COL21A1: variants seen among roughly 807,000 people sequenced by gnomAD.
The protein encoded by COL21A1 is collagen type XXI alpha 1 chain, also known as collagen alpha-1(XXI) chain.
COL21A1 carries 149 observed loss-of-function variants against 137.9 expected under a neutral mutation model. The observed-to-expected ratio is 1.08, with a 90% confidence interval of 0.95 to 1.24. The LOEUF (loss-of-function observed/expected upper bound fraction) is 1.24, where lower values mean the gene tolerates loss of function less well. COL21A1 is among the 50% of genes most tolerant of loss of function. COL21A1 has a pLI of 0.00. For synonymous variants in COL21A1, 456 were observed against 391.5 expected, an observed-to-expected ratio of 1.16 and a Z score of -1.95; for missense variants, 1,167 against 1,158.4, an observed-to-expected ratio of 1.01 and a Z score of -0.11.
intron 1 of COL21A1, among the ~76,000 whole-genome samples, chr6:56,256,431 TG>T (rs1331709047): frequency 6.6e-6 from 1 of 152,214 alleles, no homozygotes; most frequent in Non-Finnish European, 1.5e-5. Context: ...AAATTTGTTT[TG>T]TGACAGTTTC....
chr6:56,070,651 C>G, intron 21 of COL21A1, 94 bp downstream of exon 21: 1 of 767,890 alleles, frequency 1.3e-6, no homozygotes, highest in Non-Finnish European at 2.0e-6. Flanking sequence ...CTTCATGTAT[C>G]TCTTCAGAGA....
intron 1 of COL21A1, among the ~76,000 whole-genome samples, chr6:56,340,435 T>G (rs555130377): frequency 1.3e-5 from 2 of 152,256 alleles, no homozygotes; most frequent in South Asian, 4.1e-4. Flanking sequence ...GGAGACTTTG[T>G]GCCCTGCCAC....
chr6:56,237,134 G>A (rs1052394933), intron 1 of COL21A1, among the ~76,000 whole-genome samples: 7 of 64,238 alleles, frequency 1.1e-4, no homozygotes, highest in African/African-American at 4.4e-4. Context: ...AGAAAAATTC[G>A]AAAGGAAAAA....
rs192171712 is a variant in COL21A1, at chr6:56,211,724, C to T, written c.-38-29068G>A. ...TGTCACCATTTTTTTTAAACAAACG[C>T]TATTTCACTGGGTAAGCCTCTAAAA... On this transcript the variant is annotated intron_variant, in intron 1 of 29. Coordinates refer to ENST00000244728, the MANE Select transcript of COL21A1 (RefSeq NM_030820.4). Among the ~76,000 whole-genome samples, 5 of 152,150 alleles carry T rather than the reference C, an allele frequency of 3.3e-5. No homozygotes were observed. The East Asian group carries it at 9.7e-4, about 29-fold the overall frequency.
intron 1 of COL21A1, among the ~76,000 whole-genome samples, chr6:56,279,055 G>A (rs1763735606): frequency 6.6e-6 from 1 of 152,146 alleles, no homozygotes; most frequent in Non-Finnish European, 1.5e-5. Flanking sequence ...AGGGCCTGGT[G>A]GGAGGTAATT....
chr6:56,152,568 A>C (rs186426019), intron 10 of COL21A1, among the ~76,000 whole-genome samples: 1 of 152,352 alleles, frequency 6.6e-6, no homozygotes, highest in African/African-American at 2.4e-5. Flanking sequence ...AAATGAGATG[A>C]GGCAATAAAT....
chr6:56,127,966 C>T lies in COL21A1; in HGVS notation c.1543-1817G>A, dbSNP rs542776318. Among the ~76,000 whole-genome samples, 26 of 152,284 alleles carry T rather than the reference C, an allele frequency of 1.7e-4. No homozygotes were observed. In the Middle Eastern group the frequency reaches 0.014, roughly 80 times the overall value. On this transcript the variant is annotated intron_variant, in intron 12 of 29. Transcript: ENST00000244728. Reference sequence around the variant, plus strand: ...CCATAAACGTGGACATCCCAGACTACACTTCCAAGCTCCATCCCCATCCAT... The same window carrying T: ...CCATAAACGTGGACATCCCAGACTATACTTCCAAGCTCCATCCCCATCCAT...
At chr6:56,061,139 G>T in intron 25 of COL21A1, 102 bp from the exon 26 acceptor site, 6 of 895,950 alleles carry the variant, frequency 6.7e-6, no homozygotes, top group Non-Finnish European at 8.2e-6. Context: ...GTATACATAT[G>T]TAAATATGTA....
In COL21A1 at chr6:56,199,319, G is replaced by A. The variant is rs148379447; in HGVS notation, c.-38-16663C>T. On this transcript the variant is annotated intron_variant, in intron 1 of 29. Coordinates refer to ENST00000244728, the MANE Select transcript of COL21A1 (RefSeq NM_030820.4). ...TTTTTTTTTAATCAACCTTTTAATG[G>A]TACATAAATAATTCTTAATGGGTGA... Among the ~76,000 whole-genome samples, 3 of 151,566 alleles carry A rather than the reference G, an allele frequency of 2.0e-5. No homozygotes were observed. In the East Asian group the frequency reaches 5.8e-4, roughly 29 times the overall value.
chr6:56,070,863 G>T, intron 20 of COL21A1, 65 bp from the exon 21 acceptor site: 4 of 1,156,084 alleles, frequency 3.5e-6, no homozygotes, highest in South Asian at 1.4e-5. Flanking sequence ...ATCTGATATA[G>T]ACACTTAAGG....
chr6:56,156,946 C>T lies in COL21A1; in HGVS notation c.1375G>A (p.Asp459Asn), dbSNP rs780203908. ...GKPGLQGPKG[D>N]PGLPGNPGYP... ...CCAGGGTTCCCAGGCAGTCCAGGGT[C>T]ACCCTAAGCAGGAAGCAAACAAACT... is the stretch of plus-strand genomic sequence containing the variant. The change falls in exon 10 of 30, where the codon GAC becomes AAC. Residue 459 changes from aspartate to asparagine, a missense_variant. By Grantham distance (23) the Asp-to-Asn change is conservative. Transcript: ENST00000244728. 5.0e-6 allele frequency: 8 copies of T among 1,610,418 alleles called. No individual in the cohort carries two copies. In the East Asian group the frequency reaches 1.8e-4, roughly 36 times the overall value.
intron 1 of COL21A1, among the ~76,000 whole-genome samples, chr6:56,257,203 C>T (rs1188323230): frequency 6.6e-6 from 1 of 152,112 alleles, no homozygotes; most frequent in African/African-American, 2.4e-5. Flanking sequence ...CAAGTTTGGA[C>T]ATGATTAACA....
intron 1 of COL21A1, among the ~76,000 whole-genome samples, chr6:56,344,795 C>T (rs753555277): frequency 3.9e-5 from 6 of 152,000 alleles, no homozygotes; most frequent in Non-Finnish European, 8.8e-5. Context: ...TAGCACCTCC[C>T]CCTTCTCTTT....
intron 1 of COL21A1, among the ~76,000 whole-genome samples, chr6:56,291,215 A>C (rs550351475): frequency 1.1e-4 from 16 of 152,296 alleles, no homozygotes; most frequent in Admixed American, 9.2e-4. Flanking sequence ...TATATTATGG[A>C]GGTAACAATT....
At chr6:56,385,347 A>G (rs1383262655) in intron 1 of COL21A1, among the ~76,000 whole-genome samples, 1 of 152,170 alleles carries the variant, frequency 6.6e-6, no homozygotes, top group African/African-American at 2.4e-5. Context: ...CTTAAAATCA[A>G]AGTGTTGGCA....
intron 1 of COL21A1, among the ~76,000 whole-genome samples, chr6:56,185,773 G>A (rs1285426420): frequency 1.3e-5 from 2 of 152,030 alleles, no homozygotes; most frequent in Non-Finnish European, 2.9e-5. Context: ...ATTGAAATTG[G>A]TCCAATTATT....
At chr6:56,248,579 G>C (rs1004167185), upstream of COL21A1, among the ~76,000 whole-genome samples, 2 of 152,156 alleles carry the variant, frequency 1.3e-5, no homozygotes, top group Non-Finnish European at 1.5e-5. Flanking sequence ...AATTGGTCTT[G>C]TTCCCAGCTG....
At chr6:56,066,116 C>T (rs1766220624) in intron 23 of COL21A1, among the ~76,000 whole-genome samples, 1 of 151,728 alleles carries the variant, frequency 6.6e-6, no homozygotes, top group Admixed American at 6.6e-5. Context: ...AATGCAGTAC[C>T]AAGAAGGAAA....
At chr6:56,193,729 G>C (rs1005645677) in intron 1 of COL21A1, among the ~76,000 whole-genome samples, 4 of 151,720 alleles carry the variant, frequency 2.6e-5, no homozygotes, top group Admixed American at 6.6e-5. Flanking sequence ...TCTGCATAAA[G>C]AGTTATAAAG....
Sources: gnomAD v4.1 joint callset for allele counts (sites outside exome capture counted in the v4.1 genomes callset) on GRCh38, gnomAD v4.1.1 for gene constraint, MANE v1.5 for transcripts, NCBI Gene and HGNC (gene_info 2026-07-23, HGNC 2026-07-21) for gene names.